Variants in RIMBP2 observed in about 807,000 individuals in gnomAD.
RIMBP2 encodes the protein RIMS-binding protein 2.
RIMBP2 carries 48 observed loss-of-function variants against 118.6 expected under a neutral mutation model. That is an observed-to-expected ratio of 0.40 (90% CI 0.32 to 0.51). The LOEUF is 0.51. Among genes scored for constraint, RIMBP2 ranks in the 20% least tolerant of loss-of-function variants. The pLI is 0.41. For missense variants in RIMBP2, 1,551 were observed against 1,768.3 expected (o/e 0.88, Z 2.20); for synonymous variants, 762 against 742.9 (o/e 1.03, Z -0.42).
chr12:130,424,521 G>A lies in RIMBP2; in HGVS notation c.2750C>T (p.Pro917Leu), dbSNP rs1105198. 4,544 of 1,231,988 alleles carry A rather than the reference G, an allele frequency of 3.7e-3. 16 individuals carry two copies. The highest frequency in any genetic ancestry group is 0.013 in the African/African-American group (817 of 64,518). 76.3% of individuals were successfully genotyped at this position (1,231,988 alleles called of 1,614,324 possible). A position where few individuals can be genotyped will look rare whatever the true frequency, so the allele number is the denominator to read the frequency against. The change falls in exon 16 of 23, where the codon CCG (proline) becomes CTG (leucine). Residue 917 changes from proline to leucine, a missense_variant. Transcript: ENST00000690449. The surrounding 1 kb of genome is among the most constrained non-coding windows in gnomAD (Gnocchi z 9.8). ...CRFSRSATRS[P>L]DSGLDCGSEE... ...ACTCCCACAGTCCAGGCCGCTGTCC[G>A]GGCTCCGGGTGGCCGAGCGGCTGAA...
chr12:130,688,238 C>T lies in RIMBP2; in HGVS notation c.-352+27984G>A, dbSNP rs1349895670. On this transcript the variant is annotated intron_variant, in intron 1 of 22. Coordinates refer to ENST00000690449, the MANE Select transcript of RIMBP2 (RefSeq NM_001393629.1). This position sits in a 1 kb window ranked among gnomAD's most constrained non-coding sequence, Gnocchi z 4.7. ...TTCTCAGCGGCCTTGGTGGCATGGG[C>T]AACACGTGCCCAGCTCTGCACCATG... Among the ~76,000 whole-genome samples the T allele has an allele frequency of 6.6e-6, 1 of 152,114 alleles. No individual in the cohort carries two copies. Among genetic ancestry groups the T allele is most frequent in the African/African-American group, 2.4e-5 (1 of 41,444 alleles).
intron 21 of RIMBP2, among the ~76,000 whole-genome samples, chr12:130,404,733 C>T (rs1434675166): frequency 1.3e-5 from 2 of 152,142 alleles, no homozygotes; most frequent in African/African-American, 4.8e-5. Context: ...ATGTCTATTT[C>T]TTCCAAAAGC....
At chr12:130,494,912 G>A (rs1463410972) in intron 4 of RIMBP2, among the ~76,000 whole-genome samples, 2 of 152,232 alleles carry the variant, frequency 1.3e-5, no homozygotes, top group Non-Finnish European at 2.9e-5. Flanking sequence ...GGTGTCGGCA[G>A]GGCCGGATCC....
chr12:130,588,296 C>T (rs939834625), intron 2 of RIMBP2, among the ~76,000 whole-genome samples: 1 of 152,190 alleles, frequency 6.6e-6, no homozygotes, highest in Admixed American at 6.5e-5. Flanking sequence ...GTGCCATATC[C>T]ACATCCGGTC....
At chr12:130,667,727 G>A (rs1396755008) in intron 1 of RIMBP2, 1 of 152,252 alleles carries the variant, frequency 6.6e-6, no homozygotes, top group Non-Finnish European at 1.5e-5. Flanking sequence ...CCCCCAGGGA[G>A]GGCGGGGGCT....
intron 3 of RIMBP2, among the ~76,000 whole-genome samples, chr12:130,512,944 T>G (rs892511177): frequency 6.6e-6 from 1 of 152,108 alleles, no homozygotes; most frequent in Non-Finnish European, 1.5e-5. Context: ...ATCCCAAATG[T>G]CTATGTGTGT....
intron 2 of RIMBP2, among the ~76,000 whole-genome samples, chr12:130,589,672 G>A (rs558741628): frequency 1.8e-4 from 27 of 152,234 alleles, no homozygotes; most frequent in South Asian, 6.2e-4. Context: ...TAATCCTTCC[G>A]CAATGTATAA....
At chr12:130,631,291 G>A (rs933154436) in intron 1 of RIMBP2, among the ~76,000 whole-genome samples, 4 of 152,176 alleles carry the variant, frequency 2.6e-5, no homozygotes, top group Admixed American at 6.5e-5. Flanking sequence ...GCTACCATTA[G>A]CAATATACAC....
At chr12:130,519,342 T>G (rs11613492) in intron 2 of RIMBP2, among the ~76,000 whole-genome samples, 9,727 of 152,288 alleles carry the variant, frequency 0.064, 428 homozygotes, top group South Asian at 0.16. Context: ...GCTCCGCTAC[T>G]CTGTGGTAGC....
In RIMBP2 at chr12:130,414,877, GAC is replaced by G. The variant is rs1439572467; in HGVS notation, c.3239-573_3239-572del. 2.6e-5 allele frequency among the ~76,000 whole-genome samples: 4 copies of G among 152,272 alleles called. No individual in the cohort carries two copies. The East Asian group carries it at 7.7e-4, about 29-fold the overall frequency. On this transcript the variant is annotated intron_variant, in intron 17 of 22. Coordinates refer to ENST00000690449, the MANE Select transcript of RIMBP2 (RefSeq NM_001393629.1). ...ACTAGAGGAAATGGATACATTCCTA[GAC>G]ACACACAACCTCCCAGGATTGAATC...
chr12:130,400,052 C>G (rs2136263805), intron 21 of RIMBP2, among the ~76,000 whole-genome samples: 1 of 152,306 alleles, frequency 6.6e-6, no homozygotes, highest in East Asian at 1.9e-4. Context: ...GCTGAGGAAT[C>G]TGCCTTTTGG....
intron 4 of RIMBP2, among the ~76,000 whole-genome samples, chr12:130,485,883 C>T (rs1046109266): frequency 1.3e-5 from 2 of 152,152 alleles, no homozygotes; most frequent in South Asian, 4.1e-4. Flanking sequence ...TGCATTTCTA[C>T]GGTTAATGAA....
At chr12:130,659,691 G>A (rs1022138679) in intron 1 of RIMBP2, among the ~76,000 whole-genome samples, 1 of 151,870 alleles carries the variant, frequency 6.6e-6, no homozygotes, top group Non-Finnish European at 1.5e-5. Flanking sequence ...TATTAATGCC[G>A]GCCGGGCACG....
intron 15 of RIMBP2, chr12:130,425,766 GC>G: frequency 6.6e-6 from 1 of 152,524 alleles, no homozygotes; most frequent in East Asian, 1.9e-4. Context: ...GGCAAAGCGT[GC>G]CCCTGGGTCC....
intron 4 of RIMBP2, among the ~76,000 whole-genome samples, chr12:130,480,198 T>TACACACACAC (rs10580090): frequency 9.8e-4 from 125 of 128,178 alleles, no homozygotes; most frequent in African/African-American, 4.1e-3. Flanking sequence ...TTTCCTTTCA[T>TACACACACAC]ACACACACAC....
chr12:130,456,572 G>A lies in RIMBP2; in HGVS notation c.282C>T (p.Ala94=), dbSNP rs1178811263. The change falls in exon 7 of 23, where the codon GCC becomes GCT. Residue 94 remains alanine (A), a synonymous_variant. Transcript: ENST00000690449. Reference sequence around the variant, plus strand: ...TGGGGGCCGTGGAGATGTCCAGGGGGGCCACCGCGCTGCCACCCAGCAGGT... The same window carrying A: ...TGGGGGCCGTGGAGATGTCCAGGGGAGCCACCGCGCTGCCACCCAGCAGGT... ...KIDLLGGSAV[A]PLDISTAPSK... is the part of the protein sequence containing the mutation. 1 of 1,613,364 alleles carries A rather than the reference G, an allele frequency of 6.2e-7. No individual in the cohort carries two copies.
intron 2 of RIMBP2, among the ~76,000 whole-genome samples, chr12:130,518,817 G>T (rs1353271705): frequency 6.6e-6 from 1 of 152,176 alleles, no homozygotes; most frequent in Non-Finnish European, 1.5e-5. Flanking sequence ...TCTGAAAAGA[G>T]AAATTCCAGA....
In RIMBP2 at chr12:130,629,974, T is replaced by TA. The variant is rs33932481; in HGVS notation, c.-351-1519dup. Among the ~76,000 whole-genome samples the TA allele has an allele frequency of 6.2e-3, 648 of 104,506 alleles. 31 individuals are homozygous for TA. The highest frequency in any genetic ancestry group is 9.2e-3 in the South Asian group (25 of 2,714). 68.6% of individuals were successfully genotyped at this position (104,506 alleles called of 152,430 possible). A position where few individuals can be genotyped will look rare whatever the true frequency, so the allele number is the denominator to read the frequency against. ...ATCATCCAGCCAACCAATCAAGCTT[T>TA]AAAAAAAAAAAAAAAAAAGCAACAA... On this transcript the variant is annotated intron_variant, in intron 1 of 22. Transcript: ENST00000690449.
chr12:130,453,976 C>G (rs1292564455), intron 7 of RIMBP2, among the ~76,000 whole-genome samples: 1 of 152,180 alleles, frequency 6.6e-6, no homozygotes, highest in Admixed American at 6.5e-5. Context: ...ATCGCTTGAA[C>G]CTGGGAGGCG....
Sources: gnomAD v4.1 joint callset for allele counts (sites outside exome capture counted in the v4.1 genomes callset) on GRCh38, gnomAD v4.1.1 for gene constraint, Gnocchi (gnomAD v3.1) non-coding constraint, MANE v1.5 for transcripts, NCBI Gene and HGNC (gene_info 2026-07-23, HGNC 2026-07-21) for gene names.